Variants in HK1 observed in about 807,000 individuals in gnomAD.
The protein encoded by HK1 is hexokinase-1.
In HK1, 28 loss-of-function variants were observed where a neutral mutation model predicts 91.6. The observed-to-expected ratio is 0.31, with a 90% CI of 0.23 to 0.42. The LOEUF (loss-of-function observed/expected upper bound fraction) is 0.42. Ranked by LOEUF, HK1 falls within the 10% of genes least tolerant of loss-of-function variation. The probability of loss-of-function intolerance (pLI) is 1.00; values close to 1 mark genes in which losing one functional copy is unlikely to be tolerated. For missense variants in HK1, 770 were observed against 1,219.8 expected (o/e 0.63, Z 5.49); for synonymous variants, 430 against 468.1 (o/e 0.92, Z 1.05).
At chr10:69,338,128 A>G (rs1465750850) in intron 1 of HK1, 2 of 489,964 alleles carry the variant, frequency 4.1e-6, no homozygotes, top group Non-Finnish European at 5.5e-6. Flanking sequence ...CAACTTTGGG[A>G]GCCGCTGAGA....
intron 1 of HK1, among the ~76,000 whole-genome samples, chr10:69,330,009 A>G (rs1847617108): frequency 6.9e-6 from 1 of 145,712 alleles, no homozygotes; most frequent in South Asian, 2.2e-4. Flanking sequence ...CTGCATTTAA[A>G]AGAGGACCCC....
chr10:69,286,836 C>T (rs1845055207), intron 2 of HK1, among the ~76,000 whole-genome samples: 1 of 152,182 alleles, frequency 6.6e-6, no homozygotes, highest in Non-Finnish European at 1.5e-5. Context: ...GCATGGGCCA[C>T]CTCATGAGGC....
chr10:69,276,118 A>AAAAAAAAAAAAATAT, intron 1 of HK1, among the ~76,000 whole-genome samples: 1 of 38,270 alleles, frequency 2.6e-5, no homozygotes, highest in African/African-American at 7.5e-5. Flanking sequence ...AAAAAAAAAA[A>AAAAAAAAAAAAATAT]ATACATATAT....
Position 69,289,460 on chromosome 10 carries a change from AATTTTTTTTTTTT to A in HK1, c.-115+691_-115+703del, listed in dbSNP as rs1410590658. ...TGGGCTTCTGCCCATTAAAAAAAAA[AATTTTTTTTTTTT>A]TTTTTTTTTTTTTTTTGAGATAGAG... On this transcript the variant is annotated intron_variant, in intron 3 of 21. Coordinates refer to the HK1 transcript ENST00000360289. Among the ~76,000 whole-genome samples, 267 of 93,754 alleles carry A rather than the reference AATTTTTTTTTTTT, an allele frequency of 2.8e-3. 3 individuals are homozygous for A. The highest frequency in any genetic ancestry group is 0.013 in the Middle Eastern group (2 of 150). The allele number at this position is 93,754 out of a possible 152,430, so 61.5% of individuals were successfully genotyped here.
intron 3 of HK1, among the ~76,000 whole-genome samples, chr10:69,295,247 C>A (rs951318929): frequency 2.6e-5 from 4 of 152,176 alleles, no homozygotes; most frequent in Non-Finnish European, 4.4e-5. Flanking sequence ...CACAGCTCCT[C>A]TCCAGGCCTC....
chr10:69,311,200 T>A (rs1009856998), upstream of HK1, among the ~76,000 whole-genome samples: 4 of 152,196 alleles, frequency 2.6e-5, no homozygotes, highest in African/African-American at 9.6e-5. Context: ...TCTGTTGATG[T>A]TAATGCTGGT....
chr10:69,293,330 T>C (rs1845382308), intron 3 of HK1, among the ~76,000 whole-genome samples: 3 of 152,092 alleles, frequency 2.0e-5, no homozygotes. Context: ...CTCCAATAGG[T>C]CTAGGTTTCC....
At chr10:69,301,916 T>G (rs917045889) in intron 5 of HK1, among the ~76,000 whole-genome samples, 4 of 152,058 alleles carry the variant, frequency 2.6e-5, no homozygotes, top group Admixed American at 2.0e-4. Flanking sequence ...CAATCTTGAA[T>G]AAGAAGAAAG....
chr10:69,377,391 C>T (rs904351342), intron 8 of HK1, among the ~76,000 whole-genome samples: 33 of 151,324 alleles, frequency 2.2e-4, no homozygotes, highest in Non-Finnish European at 4.3e-4. Context: ...TCCACACACA[C>T]TCAGGGTAAG....
chr10:69,290,684 G>A (rs1448911838), intron 3 of HK1, among the ~76,000 whole-genome samples: 2 of 152,120 alleles, frequency 1.3e-5, no homozygotes, highest in East Asian at 1.9e-4. Context: ...ATTTTTAGTA[G>A]AGACGGGGTT....
chr10:69,344,267 T>A (rs1848439580), intron 2 of HK1, among the ~76,000 whole-genome samples: 1 of 152,246 alleles, frequency 6.6e-6, no homozygotes, highest in Admixed American at 6.5e-5. Context: ...TCATTGACTT[T>A]ACTGTCTAGT....
At chr10:69,293,828 A>T (rs1215873404) in intron 3 of HK1, among the ~76,000 whole-genome samples, 4 of 151,240 alleles carry the variant, frequency 2.6e-5, no homozygotes, top group African/African-American at 9.7e-5. Context: ...TGGGAAGTCA[A>T]GCCCCGAAGC....
intron 17 of HK1, among the ~76,000 whole-genome samples, 198 bp downstream of exon 17, chr10:69,399,026 CAG>C (rs1327447798): frequency 6.6e-6 from 1 of 152,140 alleles, no homozygotes; most frequent in Non-Finnish European, 1.5e-5. Flanking sequence ...CTTAGGGAGA[CAG>C]AGAAGTGGCT....
intron 16 of HK1, among the ~76,000 whole-genome samples, chr10:69,397,748 GT>G (rs1407905501): frequency 6.6e-6 from 1 of 152,214 alleles, no homozygotes; most frequent in African/African-American, 2.4e-5. Flanking sequence ...TACCATCCCA[GT>G]TATCGTCTCT....
intron 1 of HK1, among the ~76,000 whole-genome samples, chr10:69,327,781 C>T (rs1469733311): frequency 6.6e-6 from 1 of 152,214 alleles, no homozygotes; most frequent in Non-Finnish European, 1.5e-5. Context: ...CTGTTTCCTT[C>T]CTCAGTTGTT....
In HK1 at chr10:69,384,453, T is replaced by C. The variant is rs751869864; in HGVS notation, c.1691T>C (p.Ile564Thr). 7 of 1,614,118 alleles carry C rather than the reference T, an allele frequency of 4.3e-6. No individual in the cohort carries two copies. Among genetic ancestry groups the C allele is most frequent in the Admixed American group, 1.7e-5 (1 of 60,014 alleles). Residue 564 changes from isoleucine (I) to threonine (T), a missense_variant, in exon 11 of 18, where the codon ATT becomes ACT. Ile to Thr is a moderately conservative substitution (Grantham distance 89). Transcript: ENST00000359426. ...EMHNKIYAIP[I>T]EIMQGTGEEL... ...CACAACAAGATCTACGCCATTCCTA[T>C]TGAAATCATGCAGGGCACTGGGGAA...
At chr10:69,329,530 C>T (rs1461606434) in intron 1 of HK1, among the ~76,000 whole-genome samples, 2 of 152,116 alleles carry the variant, frequency 1.3e-5, no homozygotes, top group Non-Finnish European at 1.5e-5. Context: ...TGCTTTTAAT[C>T]GATTTAAGGA....
At position 69,329,351 on chromosome 10, in the gene HK1, C is replaced by T. The variant is rs537981082; in HGVS notation, c.63+10341C>T. On this transcript the variant is annotated intron_variant, in intron 1 of 17. Transcript: ENST00000359426. ...CTAATTTTTGTATTTTCAGTAGAGA[C>T]GGAGTTTCACCATGTTGGCCAGGAT... 1.0e-3 allele frequency among the ~76,000 whole-genome samples: 155 copies of T among 152,110 alleles called. 3 individuals carry two copies. Among genetic ancestry groups the T allele is most frequent in the African/African-American group, 3.3e-3 (139 of 41,498 alleles).
intron 15 of HK1, among the ~76,000 whole-genome samples, chr10:69,393,420 CCAGGTAGCTGGGATTA>C (rs1160684961): frequency 6.6e-6 from 1 of 152,118 alleles, no homozygotes; most frequent in Non-Finnish European, 1.5e-5. Context: ...CCTCAGCCTC[CCAGGTAGCTGGGATTA>C]CAGGTGCACG....
Sources: allele counts gnomAD v4.1 joint callset (sites outside exome capture counted in the v4.1 genomes callset), GRCh38; gene constraint gnomAD v4.1.1; transcripts MANE v1.5; gene names NCBI Gene and HGNC (gene_info 2026-07-23, HGNC 2026-07-21).